Variants in RNF150 observed in about 807,000 individuals in gnomAD.
The protein encoded by RNF150 is ring finger protein 150.
Under a neutral mutation model 39.3 loss-of-function variants are expected in RNF150, and 24 were observed. The observed-to-expected ratio is 0.61, with a 90% CI of 0.44 to 0.86. The LOEUF is 0.86. RNF150 is among the 40% of genes least tolerant of loss of function. The probability of loss-of-function intolerance (pLI) is 0.00; values close to 1 mark genes in which losing one functional copy is unlikely to be tolerated. For synonymous variants in RNF150, 255 were observed against 227.3 expected, an observed-to-expected ratio of 1.12 and a Z score of -1.10; for missense variants, 502 against 587.8, an observed-to-expected ratio of 0.85 and a Z score of 1.51.
chr4:141,073,411 T>C (rs952677306), intron 1 of RNF150, among the ~76,000 whole-genome samples: 1 of 152,184 alleles, frequency 6.6e-6, no homozygotes, highest in Non-Finnish European at 1.5e-5. Context: ...TCAACTCTTA[T>C]CTGCTTTCTG....
At chr4:141,208,888 A>G (rs1728418038) in intron 1 of RNF150, among the ~76,000 whole-genome samples, 1 of 152,096 alleles carries the variant, frequency 6.6e-6, no homozygotes, top group South Asian at 2.1e-4. Context: ...AAGACACAAG[A>G]CTCTTGGGTC....
chr4:141,072,087 G>A (rs1737727783), intron 1 of RNF150, among the ~76,000 whole-genome samples: 1 of 152,156 alleles, frequency 6.6e-6, no homozygotes, highest in Non-Finnish European at 1.5e-5. Context: ...CCCAGAGTGT[G>A]GATAATGATC....
chr4:141,076,909 G>A (rs979941345), intron 1 of RNF150, among the ~76,000 whole-genome samples: 6 of 152,154 alleles, frequency 3.9e-5, no homozygotes, highest in African/African-American at 7.2e-5. Flanking sequence ...TTGCAGGGCA[G>A]CTTTGATTCT....
chr4:141,178,263 C>A (rs995723908), intron 1 of RNF150, among the ~76,000 whole-genome samples: 1 of 151,312 alleles, frequency 6.6e-6, no homozygotes. Flanking sequence ...TGTGTGTGTG[C>A]GTGCGCATGC....
intron 1 of RNF150, among the ~76,000 whole-genome samples, chr4:141,168,765 AG>A (rs1044374490): frequency 5.9e-5 from 9 of 152,120 alleles, no homozygotes; most frequent in Admixed American, 5.9e-4. Flanking sequence ...GGACACAGGG[AG>A]GGGAACATCA....
At position 140,865,767 on chromosome 4, in the gene RNF150, C is replaced by T. The variant is rs975215183; in HGVS notation, c.*2494G>A. On this transcript the variant is annotated 3_prime_UTR_variant, in exon 7 of 7. Coordinates refer to ENST00000515673, the MANE Select transcript of RNF150 (RefSeq NM_020724.2). ...CAGGGCTTGCATATGCAATCAATTCCTGATTCACCTAGTTCTTGGCAGGAA... is the reference window on the plus strand; with the variant it reads ...CAGGGCTTGCATATGCAATCAATTCTTGATTCACCTAGTTCTTGGCAGGAA... The T allele has an allele frequency of 6.6e-6, 1 of 152,532 alleles. No homozygotes were observed. The highest frequency in any genetic ancestry group is 2.4e-5 in the African/African-American group (1 of 41,436). The allele number at this position is 152,532 out of a possible 1,614,324, so 9.4% of individuals were successfully genotyped here.
intron 1 of RNF150, among the ~76,000 whole-genome samples, chr4:141,044,773 A>ACACG (rs1736502531): frequency 6.9e-6 from 1 of 145,942 alleles, no homozygotes; most frequent in Admixed American, 6.7e-5. Flanking sequence ...TGTGCAGCGC[A>ACACG]CACACACACG....
intron 1 of RNF150, among the ~76,000 whole-genome samples, chr4:141,113,878 C>T (rs1409453711): frequency 6.6e-6 from 1 of 152,292 alleles, no homozygotes; most frequent in East Asian, 1.9e-4. Context: ...CTCAAAACTG[C>T]ATAACTACAT....
chr4:141,046,027 A>G (rs1289911745), intron 1 of RNF150, among the ~76,000 whole-genome samples: 1 of 152,176 alleles, frequency 6.6e-6, no homozygotes, highest in Admixed American at 6.5e-5. Flanking sequence ...AATGATAAAT[A>G]TAAAAGAAAA....
intron 1 of RNF150, among the ~76,000 whole-genome samples, chr4:141,131,124 T>C (rs1379859250): frequency 6.6e-6 from 1 of 152,226 alleles, no homozygotes; most frequent in Non-Finnish European, 1.5e-5. Context: ...CACTAATAGG[T>C]GACATGAGCT....
chr4:141,095,751 A>C (rs956179785), intron 1 of RNF150, among the ~76,000 whole-genome samples: 9 of 152,202 alleles, frequency 5.9e-5, no homozygotes, highest in African/African-American at 2.2e-4. Flanking sequence ...ACACCAACCC[A>C]AAAGAATTAT....
At chr4:141,122,615 A>G (rs554917618) in intron 1 of RNF150, among the ~76,000 whole-genome samples, 19 of 152,346 alleles carry the variant, frequency 1.2e-4, no homozygotes, top group African/African-American at 4.1e-4. Context: ...CTATATGTGA[A>G]TGTTTACTGC....
intron 4 of RNF150, among the ~76,000 whole-genome samples, chr4:140,942,449 GTTGTTAGGTATTCAC>G (rs976394284): frequency 9.1e-4 from 139 of 152,318 alleles, no homozygotes; most frequent in African/African-American, 3.2e-3. Context: ...TAGGATAGGT[GTTGTTAGGTATTCAC>G]TTGATTTAAC....
intron 1 of RNF150, among the ~76,000 whole-genome samples, chr4:141,114,787 TAC>T (rs1415628589): frequency 6.6e-6 from 1 of 152,166 alleles, no homozygotes; most frequent in Admixed American, 6.5e-5. Flanking sequence ...TCAAAAAGCT[TAC>T]ACACCACGAT....
At position 141,173,911 on chromosome 4, in the gene RNF150, A is replaced by G. The variant is rs1727768186; in HGVS notation, c.-6+38883T>C. ...TTTCTTCTCAGAAGCAACTGTTGTT[A>G]TCAATTTGGTGTGTATTTTCCTAGA... On this transcript the variant is annotated intron_variant, in intron 1 of 7. Coordinates refer to the RNF150 transcript ENST00000420921. Among the ~76,000 whole-genome samples, 4 of 152,348 alleles carry G rather than the reference A, an allele frequency of 2.6e-5. No individual in the cohort carries two copies. The South Asian group carries it at 8.3e-4, about 32-fold the overall frequency.
At chr4:140,978,754 T>C (rs1733756628) in intron 1 of RNF150, among the ~76,000 whole-genome samples, 1 of 152,108 alleles carries the variant, frequency 6.6e-6, no homozygotes. Flanking sequence ...TAGGGTTTTC[T>C]TAGAAAATAT....
intron 5 of RNF150, among the ~76,000 whole-genome samples, chr4:140,913,157 A>G (rs1730680696): frequency 6.6e-6 from 1 of 152,094 alleles, no homozygotes; most frequent in Non-Finnish European, 1.5e-5. Flanking sequence ...GCTACTGGGG[A>G]GACTGAGGCA....
chr4:141,130,202 C>G (rs2111106013), intron 1 of RNF150, among the ~76,000 whole-genome samples: 1 of 152,310 alleles, frequency 6.6e-6, no homozygotes, highest in South Asian at 2.1e-4. Context: ...AGAAGAATTT[C>G]AGAGTATAGT....
At chr4:140,875,163 G>GTTTTTTT (rs58742685) in intron 6 of RNF150, among the ~76,000 whole-genome samples, 3 of 122,606 alleles carry the variant, frequency 2.4e-5, no homozygotes, top group Admixed American at 8.4e-5. Flanking sequence ...CAATCATTAC[G>GTTTTTTT]TTTTTTTTTT....
Sources: allele counts gnomAD v4.1 joint callset (sites outside exome capture counted in the v4.1 genomes callset), GRCh38; gene constraint gnomAD v4.1.1; transcripts MANE v1.5; gene names NCBI Gene and HGNC (gene_info 2026-07-23, HGNC 2026-07-21).